Variants in SUN1 observed in about 807,000 individuals in gnomAD.
SUN1 encodes Sad1 and UNC84 domain containing 1.
In SUN1, 61 loss-of-function variants were observed where a neutral mutation model predicts 103.2. That is an observed-to-expected ratio of 0.59 (90% CI 0.48 to 0.73). The LOEUF (loss-of-function observed/expected upper bound fraction) is 0.73, where lower values mean the gene tolerates loss of function less well. SUN1 is among the 30% of genes least tolerant of loss of function. The pLI, the probability that SUN1 is intolerant of heterozygous loss-of-function variation, is 0.00. For synonymous variants in SUN1, 490 were observed against 425.7 expected, an observed-to-expected ratio of 1.15 and a Z score of -1.86; for missense variants, 1,052 against 1,034.6, an observed-to-expected ratio of 1.02 and a Z score of -0.23.
chr7:850,238 GC>G (rs1421113040), intron 5 of SUN1: 5 of 559,430 alleles, frequency 8.9e-6, no homozygotes, highest in Non-Finnish European at 1.6e-5. Context: ...TCACTCTGTT[GC>G]CCAGGCTGGA....
rs1369583711 is a variant in SUN1, at chr7:817,445, A to G, written c.-74+772A>G. The G allele has an allele frequency of 2.0e-6, 3 of 1,535,968 alleles. No individual in the cohort carries two copies. In the African/African-American group the frequency reaches 4.1e-5, roughly 21 times the overall value. Reference sequence around the variant, plus strand: ...AAGCAGCGGCGGGGAACACCTTGCCACTGTCACCGTCATGGGGAGGATTTC... The same window carrying G: ...AAGCAGCGGCGGGGAACACCTTGCCGCTGTCACCGTCATGGGGAGGATTTC... On this transcript the variant is annotated intron_variant, in intron 1 of 17. Transcript: ENST00000389574.
At chr7:843,880 G>A (rs1812556363) in intron 5 of SUN1, 3 of 1,295,506 alleles carry the variant, frequency 2.3e-6, no homozygotes, top group South Asian at 1.7e-5. Context: ...GCTTTGGGAC[G>A]CTGCTCTGGT....
At chr7:849,846 C>T (rs1820192751) in intron 5 of SUN1, 2 of 1,429,686 alleles carry the variant, frequency 1.4e-6, no homozygotes, top group Admixed American at 3.7e-5. Context: ...TACAGACTGC[C>T]ATTGCTATGC....
At chr7:819,599 C>T (rs1292241554) in intron 1 of SUN1, among the ~76,000 whole-genome samples, 2 of 152,022 alleles carry the variant, frequency 1.3e-5, no homozygotes, top group Admixed American at 6.6e-5. Flanking sequence ...TGCTTTTTCC[C>T]TATTGAGTGG....
chr7:861,546 C>A, intron 15 of SUN1, 82 bp downstream of exon 15: 1 of 1,361,306 alleles, frequency 7.3e-7, no homozygotes, highest in Non-Finnish European at 1.1e-6. Context: ...GTTGCCTACC[C>A]CACTTCCAGC....
chr7:863,550 C>T (rs557472081), intron 15 of SUN1, among the ~76,000 whole-genome samples: 2 of 152,280 alleles, frequency 1.3e-5, no homozygotes, highest in African/African-American at 4.8e-5. Flanking sequence ...TTTAAATGTA[C>T]AGCTCCGTGG....
chr7:855,033 T>C (rs1206373594), intron 11 of SUN1, 27 bp downstream of exon 11: 1 of 1,560,820 alleles, frequency 6.4e-7, no homozygotes, highest in African/African-American at 1.4e-5. Flanking sequence ...TTACGCTTTT[T>C]TAAAATAAAA....
At chr7:848,330 G>A in intron 5 of SUN1, 3 of 1,175,230 alleles carry the variant, frequency 2.6e-6, no homozygotes, top group South Asian at 2.6e-5. Flanking sequence ...AAAAGTGCCT[G>A]AAATGAATAA....
At chr7:818,002 C>T (rs921369070) in intron 1 of SUN1, among the ~76,000 whole-genome samples, 1 of 151,970 alleles carries the variant, frequency 6.6e-6, no homozygotes, top group African/African-American at 2.4e-5. Flanking sequence ...TTTCCCAGAG[C>T]TGTTTTTTTT....
chr7:843,358 A>G lies in SUN1; in HGVS notation c.496A>G (p.Ile166Val), dbSNP rs201949393. ...AACTTTAGGTGGAAATAAAGCTGCCATTCAGGGAAACGGGGATGTGGGAGC... is the reference window on the plus strand; with the variant it reads ...AACTTTAGGTGGAAATAAAGCTGCCGTTCAGGGAAACGGGGATGTGGGAGC... The part of the protein sequence containing the change: ...GDLKGGNKAA[I>V]QGNGDVGAAA... Residue 166 changes from isoleucine to valine, a missense_variant, in exon 5 of 19, where the codon ATT (isoleucine) becomes GTT (valine). This residue lies in a region of SUN1 where 846 missense variants were observed against 774.5 expected (regional missense o/e 1.09). Transcript: ENST00000401592. The G allele has an allele frequency of 3.7e-4, 590 of 1,607,374 alleles. No homozygotes were observed. The highest frequency in any genetic ancestry group is 4.6e-4 in the Non-Finnish European group (540 of 1,176,582).
intron 1 of SUN1, among the ~76,000 whole-genome samples, chr7:822,551 T>C (rs897091216): frequency 4.6e-5 from 7 of 152,178 alleles, no homozygotes; most frequent in Admixed American, 2.0e-4. Context: ...GCCATTCTAT[T>C]TATTTTGATT....
intron 6 of SUN1, 37 bp downstream of exon 6, chr7:851,519 G>A (rs376367683): frequency 2.6e-6 from 4 of 1,544,056 alleles, no homozygotes; most frequent in Non-Finnish European, 3.5e-6. Context: ...GTTCTCTCCA[G>A]AGCTTCTGGC....
chr7:864,191 G>A (rs1202882863), intron 15 of SUN1, among the ~76,000 whole-genome samples: 1 of 151,928 alleles, frequency 6.6e-6, no homozygotes, highest in Non-Finnish European at 1.5e-5. Context: ...GAAAAATGGG[G>A]TACCCATCCC....
chr7:844,071 A>T (rs1034430453), intron 5 of SUN1, among the ~76,000 whole-genome samples: 4 of 152,208 alleles, frequency 2.6e-5, no homozygotes, highest in African/African-American at 9.7e-5. Context: ...CCTGATGTGG[A>T]CATGGGCTTC....
chr7:842,053 A>C lies in SUN1; in HGVS notation c.374A>C (p.Gln125Pro), dbSNP rs1168738857. The C allele has an allele frequency of 6.2e-7, 1 of 1,614,248 alleles. No homozygotes were observed. Among genetic ancestry groups the C allele is most frequent in the Admixed American group, 1.7e-5 (1 of 60,026 alleles). ...GVSHGGTVSL[Q>P]DAVTRRPPVL... ...AGCCACGGCGGCACTGTCAGCCTGC[A>C]GGATGCTGTGACTCGACGGCCTCCT... Residue 125 changes from glutamine (Q) to proline (P), a missense_variant, in exon 3 of 19, where the codon CAG (glutamine) becomes CCG (proline). Physicochemically the swap from Gln to Pro is moderately conservative, Grantham distance 76. This residue lies in a region of SUN1 where 846 missense variants were observed against 774.5 expected (regional missense o/e 1.09). Coordinates refer to ENST00000401592, the MANE Select transcript of SUN1 (RefSeq NM_001130965.3).
At chr7:837,906 CTG>C (rs1330900100) in intron 1 of SUN1, among the ~76,000 whole-genome samples, 5 of 152,350 alleles carry the variant, frequency 3.3e-5, no homozygotes, top group Middle Eastern at 3.4e-3. Flanking sequence ...TGAGATGACA[CTG>C]AAATTCTGTC....
intron 1 of SUN1, among the ~76,000 whole-genome samples, chr7:834,837 A>T (rs973787538): frequency 6.6e-6 from 1 of 152,092 alleles, no homozygotes; most frequent in African/African-American, 2.4e-5. Context: ...GCACTTTGGG[A>T]GGCTGAGGCG....
At position 846,281 on chromosome 7, in the gene SUN1, G is replaced by A. The variant is rs565803425; in HGVS notation, c.658+2761G>A. 5.7e-4 allele frequency among the ~76,000 whole-genome samples: 86 copies of A among 152,016 alleles called. 2 individuals are homozygous for A. In the South Asian group the frequency reaches 0.017, roughly 29 times the overall value. On this transcript the variant is annotated intron_variant, in intron 5 of 18. Coordinates refer to ENST00000401592, the MANE Select transcript of SUN1 (RefSeq NM_001130965.3). ...CCACTACCATGCCCGGCTAATTTTT[G>A]TATTTTTCGTAGAGACGGGGTTCCA... is the stretch of plus-strand genomic sequence containing the variant.
intron 5 of SUN1, chr7:850,101 G>T (rs1820482979): frequency 7.0e-7 from 1 of 1,422,472 alleles, no homozygotes; most frequent in South Asian, 1.2e-5. Context: ...TGTGTGGTTT[G>T]TGCTTGGAAT....
Sources: allele counts gnomAD v4.1 joint callset (sites outside exome capture counted in the v4.1 genomes callset), GRCh38; gene constraint gnomAD v4.1.1; regional missense constraint gnomAD v4.1.1; transcripts MANE v1.5; gene names NCBI Gene and HGNC (gene_info 2026-07-23, HGNC 2026-07-21).